Variants in KIFBP observed in about 807,000 individuals in gnomAD.
The protein encoded by KIFBP is KIF-binding protein.
KIFBP carries 46 observed loss-of-function variants against 58.9 expected under a neutral mutation model. The observed-to-expected ratio is 0.78, with a 90% CI of 0.62 to 1.00. KIFBP has a LOEUF of 1.00. Ranked by LOEUF, KIFBP falls within the 50% of genes least tolerant of loss-of-function variation. The probability of loss-of-function intolerance (pLI) is 0.00; values close to 1 mark genes in which losing one functional copy is unlikely to be tolerated. For missense variants in KIFBP, 651 were observed against 752.9 expected (o/e 0.86, Z 1.58); for synonymous variants, 241 against 283.4 (o/e 0.85, Z 1.50).
chr10:68,989,289 G>A (rs761327719), intron 1 of KIFBP, 31 bp downstream of exon 1: 1 of 1,608,662 alleles, frequency 6.2e-7, no homozygotes, highest in Non-Finnish European at 8.5e-7. Flanking sequence ...GCCGGCCCCT[G>A]TTGGCAAATG....
chr10:68,997,211 A>G (rs74139959), intron 1 of KIFBP, among the ~76,000 whole-genome samples: 184 of 152,298 alleles, frequency 1.2e-3, no homozygotes, highest in African/African-American at 3.3e-3. Flanking sequence ...ATTAAACTAC[A>G]TAAGTAATAG....
chr10:69,013,688 C>T (rs1423778543), intron 6 of KIFBP, among the ~76,000 whole-genome samples: 1 of 152,160 alleles, frequency 6.6e-6, no homozygotes, highest in Non-Finnish European at 1.5e-5. Context: ...GAACTTAAAA[C>T]TTCATCACTT....
intron 2 of KIFBP, among the ~76,000 whole-genome samples, chr10:69,003,034 C>T (rs1334903150): frequency 1.4e-5 from 2 of 140,542 alleles, no homozygotes; most frequent in African/African-American, 5.3e-5. Flanking sequence ...AAAGCAAGAA[C>T]CCGTCTTTAC....
chr10:69,015,468 G>A (rs1838984798), intron 6 of KIFBP, 73 bp from the exon 7 acceptor site: 2 of 1,462,380 alleles, frequency 1.4e-6, no homozygotes, highest in Non-Finnish European at 1.9e-6. Context: ...AAACTCTGAA[G>A]TTTGCTTTAA....
At position 69,016,336 on chromosome 10, in the gene KIFBP, G is replaced by A; in HGVS notation, c.1786G>A (p.Glu596Lys). ...TGAGGCCGCCCAGGAAATAGAAGTT[G>A]AGCTAGAACTTAGTAAAGAGATGGT... is the stretch of plus-strand genomic sequence containing the variant. ...HPEAAQEIEV[E>K]LELSKEMVSL... is the part of the protein sequence containing the mutation. The change falls in exon 7 of 7, where the codon GAG (glutamate) becomes AAG (lysine). Residue 596 changes from glutamate (E) to lysine (K), a missense_variant. By Grantham distance (56) the Glu-to-Lys change is moderately conservative (BLOSUM62 1). Coordinates refer to ENST00000361983, the MANE Select transcript of KIFBP (RefSeq NM_015634.4). 6.2e-7 allele frequency: 1 copy of A among 1,612,526 alleles called. No individual in the cohort carries two copies. The highest frequency in any genetic ancestry group is 8.5e-7 in the Non-Finnish European group (1 of 1,179,408).
At chr10:69,009,987 CT>C (rs1321095958) in intron 5 of KIFBP, among the ~76,000 whole-genome samples, 1 of 152,034 alleles carries the variant, frequency 6.6e-6, no homozygotes, top group Non-Finnish European at 1.5e-5. Context: ...GCTTTCTCCC[CT>C]AATATATTAA....
chr10:68,991,002 G>A (rs762671666), intron 1 of KIFBP: 20 of 152,144 alleles, frequency 1.3e-4, no homozygotes, highest in African/African-American at 4.6e-4. Context: ...CGGATGTGGT[G>A]GCTCACACTT....
At chr10:68,997,232 T>C (rs138171058) in intron 1 of KIFBP, among the ~76,000 whole-genome samples, 70 of 152,290 alleles carry the variant, frequency 4.6e-4, no homozygotes, top group Middle Eastern at 3.4e-3. Context: ...AGGCTTGACA[T>C]AATAGAGGAC....
Position 69,010,994 on chromosome 10 carries a change from G to A in KIFBP, c.969G>A (p.Gln323=). 6.2e-7 allele frequency: 1 copy of A among 1,613,680 alleles called. No individual in the cohort carries two copies. The highest frequency in any genetic ancestry group is 8.5e-7 in the Non-Finnish European group (1 of 1,179,586). ...TCAAATACTGTTTGACTCTCATGCA[G>A]AATGCCCAACTCTCCATGCAGGTAA... ...CWIKYCLTLM[Q]NAQLSMQDNI... Residue 323 remains glutamine (Q), a synonymous_variant, in exon 6 of 7, where the codon CAG becomes CAA. Coordinates refer to ENST00000361983, the MANE Select transcript of KIFBP (RefSeq NM_015634.4).
chr10:68,992,522 GCTTCCA>G (rs1329248480), intron 1 of KIFBP, among the ~76,000 whole-genome samples: 1 of 152,156 alleles, frequency 6.6e-6, no homozygotes, highest in Non-Finnish European at 1.5e-5. Context: ...TATTTGTAAC[GCTTCCA>G]GAGGTCTCAG....
rs201019933 is a variant in KIFBP, at chr10:68,993,611, TA to T, written c.426+4356del. On this transcript the variant is annotated intron_variant, in intron 1 of 6. Transcript: ENST00000361983. ...AGGTTAAACAAAGCTTTTTTTTTTT[TA>T]AATTTAATTTAATTTTATCTTTATA... 2.2e-3 allele frequency among the ~76,000 whole-genome samples: 341 copies of T among 151,900 alleles called. 2 individuals carry two copies. The highest frequency in any genetic ancestry group is 7.7e-3 in the African/African-American group (317 of 41,378).
chr10:68,996,876 T>A (rs942066839), intron 1 of KIFBP, among the ~76,000 whole-genome samples: 2 of 151,384 alleles, frequency 1.3e-5, no homozygotes, highest in Non-Finnish European at 2.9e-5. Context: ...AAATAAAAAA[T>A]ATTTTGGCCA....
At position 69,011,001 on chromosome 10, in the gene KIFBP, C is replaced by G. The variant is rs1293340864; in HGVS notation, c.976C>G (p.Gln326Glu). The change falls in exon 6 of 7, where the codon CAA (glutamine) becomes GAA (glutamate). Residue 326 changes from glutamine to glutamate, a missense_variant. Gln to Glu is a conservative substitution (Grantham distance 29). Coordinates refer to ENST00000361983, the MANE Select transcript of KIFBP (RefSeq NM_015634.4). ...KYCLTLMQNA[Q>E]LSMQDNIGEL... ...CTGTTTGACTCTCATGCAGAATGCC[C>G]AACTCTCCATGCAGGTAATGCAGTC... 6.8e-6 allele frequency: 11 copies of G among 1,612,194 alleles called. No individual in the cohort carries two copies. In the South Asian group the frequency reaches 1.2e-4, roughly 18 times the overall value.
rs1589297774 is a variant in KIFBP, at chr10:69,011,231, C to T, written c.990+216C>T. ...TGCGTGAGCCGAGATTGGACCACTG[C>T]ACTCCAGCCTGGGCAACAGAGCGAG... On this transcript the variant is annotated intron_variant, in intron 6 of 6. Transcript: ENST00000361983. 5.9e-6 allele frequency: 3 copies of T among 511,484 alleles called. No homozygotes were observed. In the East Asian group the frequency reaches 1.1e-4, roughly 19 times the overall value. The allele number at this position is 511,484 out of a possible 1,614,324, so 31.7% of individuals were successfully genotyped here.
intron 1 of KIFBP, among the ~76,000 whole-genome samples, chr10:68,992,084 T>A (rs2132106371): frequency 6.6e-6 from 1 of 152,032 alleles, no homozygotes; most frequent in African/African-American, 2.4e-5. Flanking sequence ...ACTTCCACCC[T>A]CCTGGCTTAA....
chr10:69,015,477 A>T, intron 6 of KIFBP, 64 bp from the exon 7 acceptor site: 2 of 1,499,978 alleles, frequency 1.3e-6, no homozygotes, highest in Non-Finnish European at 1.8e-6. Context: ...AGTTTGCTTT[A>T]ATATTATTTA....
At chr10:69,012,456 T>G (rs1843606392) in intron 6 of KIFBP, among the ~76,000 whole-genome samples, 1 of 152,122 alleles carries the variant, frequency 6.6e-6, no homozygotes, top group Admixed American at 6.5e-5. Context: ...CATAGGAAGA[T>G]TTCCTGGGGG....
chr10:69,014,606 G>A (rs1838964119), intron 6 of KIFBP, among the ~76,000 whole-genome samples: 1 of 152,122 alleles, frequency 6.6e-6, no homozygotes, highest in Non-Finnish European at 1.5e-5. Context: ...TGGTGAGACA[G>A]TGTCAAGTGA....
chr10:68,995,625 G>A (rs1409268191), intron 1 of KIFBP, among the ~76,000 whole-genome samples: 1 of 152,186 alleles, frequency 6.6e-6, no homozygotes, highest in Admixed American at 6.5e-5. Flanking sequence ...TGTTTAATAT[G>A]AGATGGGAAG....
Sources: gnomAD v4.1 joint callset for allele counts (sites outside exome capture counted in the v4.1 genomes callset) on GRCh38, gnomAD v4.1.1 for gene constraint, MANE v1.5 for transcripts, NCBI Gene and HGNC (gene_info 2026-07-23, HGNC 2026-07-21) for gene names.